Variants in DYNC2H1 observed in about 807,000 individuals in gnomAD.
DYNC2H1 encodes the protein dynein cytoplasmic 2 heavy chain 1.
DYNC2H1 carries 410 observed loss-of-function variants against 570.0 expected under a neutral mutation model. That is an observed-to-expected ratio of 0.72 (90% CI 0.66 to 0.78). The LOEUF (loss-of-function observed/expected upper bound fraction) is 0.78. Among genes scored for constraint, DYNC2H1 ranks in the 30% least tolerant of loss-of-function variants. The pLI is 0.00. For missense variants in DYNC2H1, 4,865 were observed against 5,046.4 expected, an observed-to-expected ratio of 0.96 and a Z score of 1.09; for synonymous variants, 1,688 against 1,677.6, an observed-to-expected ratio of 1.01 and a Z score of -0.15.
At chr11:103,202,629 G>A (rs1249782843) in intron 50 of DYNC2H1, among the ~76,000 whole-genome samples, 3 of 151,954 alleles carry the variant, frequency 2.0e-5, no homozygotes, top group Non-Finnish European at 4.4e-5. Context: ...TGTGGGGTGG[G>A]GGTGGTCTGG....
At position 103,168,956 on chromosome 11, in the gene DYNC2H1, A is replaced by G. The variant is rs1461272672; in HGVS notation, c.4964A>G (p.Tyr1655Cys). 6.2e-7 allele frequency: 1 copy of G among 1,608,544 alleles called. No homozygotes were observed. The highest frequency in any genetic ancestry group is 2.2e-5 in the East Asian group (1 of 44,590). ...VDSEFQYTYE[Y>C]QGNASKLVYT... ...TCTGAATTTCAGTATACTTATGAAT[A>G]TCAGGTATGAGTTGTGGCAGTGTTT... The change falls in exon 32 of 89, where the codon TAT (tyrosine) becomes TGT (cysteine). Residue 1655 changes from tyrosine to cysteine, a missense_variant. This residue lies in a region of DYNC2H1 where 1,936 missense variants were observed against 1,962.1 expected (regional missense o/e 0.99). Coordinates refer to ENST00000375735, the MANE Select transcript of DYNC2H1 (RefSeq NM_001377.3).
rs1029094200 is a variant in DYNC2H1, at chr11:103,236,651, A to G, written c.9819+112A>G. 14 of 550,588 alleles carry G rather than the reference A, an allele frequency of 2.5e-5. No homozygotes were observed. In the Admixed American group the frequency reaches 3.6e-4, roughly 14 times the overall value. The allele number at this position is 550,588 out of a possible 1,614,324, so 34.1% of individuals were successfully genotyped here. ...TCACAGTTACCCTTTTCTTACTAAA[A>G]TAAAAATATTTTGCTAATGAAAACC... On this transcript the variant is annotated intron_variant, in intron 63 of 88. Coordinates refer to ENST00000375735, the MANE Select transcript of DYNC2H1 (RefSeq NM_001377.3).
In DYNC2H1 at chr11:103,181,865, T is replaced by G. The variant is rs751618077; in HGVS notation, c.6456T>G (p.Ala2152=). ...ENWIGDYFEK[A]LQWVLKQNDY... ...GGATTGGAGATTATTTTGAAAAGGC[T>G]TTACAATGGGTTCTAAAGCAGGTAA... Residue 2152 remains alanine (A), a synonymous_variant, in exon 40 of 89, where the codon GCT becomes GCG. Transcript: ENST00000375735. The surrounding 1 kb of genome is among the most constrained non-coding windows in gnomAD (Gnocchi z 5.0). 1 of 1,605,480 alleles carries G rather than the reference T, an allele frequency of 6.2e-7. No homozygotes were observed. Among genetic ancestry groups the G allele is most frequent in the Non-Finnish European group, 8.5e-7 (1 of 1,175,066 alleles).
At chr11:103,435,476 ATTTT>A (rs1275333253) in intron 84 of DYNC2H1, among the ~76,000 whole-genome samples, 1 of 151,980 alleles carries the variant, frequency 6.6e-6, no homozygotes, top group Non-Finnish European at 1.5e-5. Context: ...GGTTTTATTT[ATTTT>A]TAATTTCATG....
At chr11:103,460,193 G>A (rs547691990) in intron 87 of DYNC2H1, among the ~76,000 whole-genome samples, 16 of 151,978 alleles carry the variant, frequency 1.1e-4, no homozygotes, top group Non-Finnish European at 2.4e-4. Flanking sequence ...TAGCTCATGA[G>A]AAGTACCTTG....
Position 103,147,862 on chromosome 11 carries a change from T to C in DYNC2H1, c.2793T>C (p.Val931=). 1 of 1,610,928 alleles carries C rather than the reference T, an allele frequency of 6.2e-7. No individual in the cohort carries two copies. The highest frequency in any genetic ancestry group is 1.7e-5 in the Admixed American group (1 of 59,864). The change falls in exon 19 of 89, where the codon GTT becomes GTC. Residue 931 remains valine, a synonymous_variant. Coordinates refer to ENST00000375735, the MANE Select transcript of DYNC2H1 (RefSeq NM_001377.3). ...TCCAGAAGTTATTTGATCTGCTTGT[T>C]CTTTCTTTGAAGAAGTCCATACAGG... ...DLIQKLFDLL[V]LSLKKSIQAH...
At chr11:103,248,130 T>G (rs11225626) in intron 65 of DYNC2H1, among the ~76,000 whole-genome samples, 1 of 152,008 alleles carries the variant, frequency 6.6e-6, no homozygotes, top group East Asian at 1.9e-4. Context: ...ACGCAAGCAG[T>G]TGGTCTATAA....
intron 11 of DYNC2H1, among the ~76,000 whole-genome samples, chr11:103,124,758 A>G (rs1858904644): frequency 6.6e-6 from 1 of 152,230 alleles, no homozygotes; most frequent in South Asian, 2.1e-4. Flanking sequence ...TTTAAAAATC[A>G]AAGATACCTT....
intron 83 of DYNC2H1, among the ~76,000 whole-genome samples, chr11:103,393,347 T>C (rs1303907807): frequency 2.0e-5 from 3 of 152,242 alleles, no homozygotes; most frequent in Admixed American, 2.0e-4. Context: ...CTAGTTTGCC[T>C]GTTTACTTGA....
chr11:103,138,580 A>G (rs1238005560), intron 17 of DYNC2H1, among the ~76,000 whole-genome samples: 1 of 152,202 alleles, frequency 6.6e-6, no homozygotes, highest in Non-Finnish European at 1.5e-5. Flanking sequence ...ATCATGGTGG[A>G]TAAGCTTTTT....
chr11:103,375,223 A>T (rs1941343453), intron 83 of DYNC2H1, among the ~76,000 whole-genome samples: 1 of 152,058 alleles, frequency 6.6e-6, no homozygotes, highest in Non-Finnish European at 1.5e-5. Flanking sequence ...AGGTTTGGAG[A>T]CCTCTGCCTA....
intron 82 of DYNC2H1, among the ~76,000 whole-genome samples, chr11:103,339,886 C>T (rs968238526): frequency 6.6e-6 from 1 of 152,210 alleles, no homozygotes; most frequent in Non-Finnish European, 1.5e-5. Context: ...GGTCTGTTTG[C>T]CCCCTCTGTG....
chr11:103,179,130 G>T lies in DYNC2H1; in HGVS notation c.6244G>T (p.Glu2082Ter), dbSNP rs777684668. The T allele has an allele frequency of 6.2e-6, 10 of 1,613,112 alleles. No homozygotes were observed. Among genetic ancestry groups the T allele is most frequent in the Non-Finnish European group, 8.5e-6 (10 of 1,179,398 alleles). Reference protein sequence around the residue: ...DNRLLTMPSGERIQFGPNVNF... With the variant: ...DNRLLTMPSG The stretch of plus-strand genomic sequence containing the variant: ...TCGACTGCTGACTATGCCCAGTGGA[G>T]AAAGGATTCAGTTTGGCCCAAATGT... The change falls in exon 39 of 89, where the codon GAA becomes TAA. Residue 2082 changes from glutamate to a stop codon, truncating the protein, a stop_gained. Transcript: ENST00000375735. LOFTEE classifies it high-confidence loss of function.
intron 55 of DYNC2H1, among the ~76,000 whole-genome samples, chr11:103,216,597 G>A (rs1282306349): frequency 6.6e-6 from 1 of 152,198 alleles, no homozygotes; most frequent in East Asian, 1.9e-4. Flanking sequence ...TTAAGGACCA[G>A]CCTGGGCAAT....
intron 43 of DYNC2H1, among the ~76,000 whole-genome samples, chr11:103,187,969 G>A (rs1410298592): frequency 6.6e-6 from 1 of 151,964 alleles, no homozygotes; most frequent in East Asian, 1.9e-4. Flanking sequence ...TTTTCTGGCT[G>A]CTTTAACCCA....
rs1862843232 is a variant in DYNC2H1 at position 103,204,408 on chromosome 11, A to G, written c.8312-414A>G. Among the ~76,000 whole-genome samples the G allele has an allele frequency of 6.6e-6, 1 of 152,186 alleles. No individual in the cohort carries two copies. ...CTTGCCTCCTTTGTTTCATGTGGTG[A>G]AATTAGTGCTGCTTTAGTACCTCCT... On this transcript the variant is annotated intron_variant, in intron 51 of 88. Coordinates refer to ENST00000375735, the MANE Select transcript of DYNC2H1 (RefSeq NM_001377.3). The surrounding 1 kb of genome is among the most constrained non-coding windows in gnomAD (Gnocchi z 4.1).
At chr11:103,355,856 C>A (rs1940311225) in intron 82 of DYNC2H1, among the ~76,000 whole-genome samples, 3 of 152,096 alleles carry the variant, frequency 2.0e-5, no homozygotes, top group Admixed American at 1.3e-4. Flanking sequence ...CAGGTGCACA[C>A]CACCATACCT....
At position 103,242,761 on chromosome 11, in the gene DYNC2H1, G is replaced by A. The variant is rs575574171; in HGVS notation, c.9820-932G>A. On this transcript the variant is annotated intron_variant, in intron 63 of 88. Coordinates refer to ENST00000375735, the MANE Select transcript of DYNC2H1 (RefSeq NM_001377.3). ...TTTTTTTTGAGATGGAGTCTCTGTC[G>A]CCAGGCTAGAGTGCAGTGGCGTGAT... Among the ~76,000 whole-genome samples, 28 of 151,878 alleles carry A rather than the reference G, an allele frequency of 1.8e-4. No homozygotes were observed. In the South Asian group the frequency reaches 2.3e-3, roughly 12 times the overall value.
At chr11:103,336,783 C>T (rs1565505883) in intron 82 of DYNC2H1, among the ~76,000 whole-genome samples, 1 of 152,110 alleles carries the variant, frequency 6.6e-6, no homozygotes, top group Non-Finnish European at 1.5e-5. Flanking sequence ...AGTACAGATA[C>T]CTTTCCAATA....
Sources: gnomAD v4.1 joint callset for allele counts (sites outside exome capture counted in the v4.1 genomes callset) on GRCh38, gnomAD v4.1.1 for gene constraint, gnomAD v4.1.1 regional missense constraint, Gnocchi (gnomAD v3.1) non-coding constraint, MANE v1.5 for transcripts, NCBI Gene and HGNC (gene_info 2026-07-23, HGNC 2026-07-21) for gene names.